The following UTRN variants were observed in gnomAD, a reference collection of about 807,000 sequenced individuals.
UTRN encodes the protein utrophin.
In UTRN, 283 loss-of-function variants were observed where a neutral mutation model predicts 463.9. The observed-to-expected ratio is 0.61, with a 90% CI of 0.55 to 0.67. UTRN has a LOEUF of 0.67. Among genes scored for constraint, UTRN ranks in the 30% least tolerant of loss-of-function variants. The pLI, the probability that UTRN is intolerant of heterozygous loss-of-function variation, is 0.00. For synonymous variants in UTRN, 1,442 were observed against 1,431.5 expected (o/e 1.01, Z -0.17); for missense variants, 3,922 against 4,084.3 (o/e 0.96, Z 1.08).
intron 23 of UTRN, among the ~76,000 whole-genome samples, chr6:144,464,594 G>A (rs190758877): frequency 1.3e-3 from 197 of 151,918 alleles, no homozygotes; most frequent in African/African-American, 4.6e-3. Context: ...TCAGCCTCCC[G>A]GGTTCAAGCA....
rs769684169 is a variant in UTRN at position 144,835,943 on chromosome 6, G to A, written c.9824+5G>A. ...TGACCTGGAGGAAGAACAAAGGTGT[G>A]CTAGGCCTGGGAGAAGGAAATATGT... is the stretch of plus-strand genomic sequence containing the variant. On this transcript the variant is annotated splice_donor_5th_base_variant and intron_variant, in intron 70 of 74. Coordinates refer to ENST00000367545, the MANE Select transcript of UTRN (RefSeq NM_007124.3). 1.2e-6 allele frequency: 2 copies of A among 1,613,544 alleles called. No individual in the cohort carries two copies. Among genetic ancestry groups the A allele is most frequent in the Admixed American group, 1.7e-5 (1 of 59,944 alleles).
chr6:144,470,332 C>T (rs1197685466), intron 23 of UTRN, among the ~76,000 whole-genome samples: 1 of 151,956 alleles, frequency 6.6e-6, no homozygotes, highest in East Asian at 1.9e-4. Flanking sequence ...CGGAGACGCT[C>T]CTCACTTCCC....
chr6:144,688,255 T>C (rs1782951734), intron 52 of UTRN, among the ~76,000 whole-genome samples: 1 of 152,148 alleles, frequency 6.6e-6, no homozygotes, highest in Non-Finnish European at 1.5e-5. Context: ...ATTAGAAAAT[T>C]TTTCATTCAT....
At position 144,444,302 on chromosome 6, in the gene UTRN, G is replaced by T. The variant is rs774964386; in HGVS notation, c.1534G>T (p.Ala512Ser). Residue 512 changes from alanine to serine, a missense_variant, in exon 14 of 75, where the codon GCA becomes TCA. Around this residue, in one of 3 missense-constraint regions of UTRN, gnomAD observed 2,349 missense variants for 2,303.8 expected, o/e 1.02. Coordinates refer to ENST00000367545, the MANE Select transcript of UTRN (RefSeq NM_007124.3). The part of the protein sequence containing the change: ...QLQKLGERWT[A>S]VCRWTEERWN... ...CTAGAAACTTGGTGAGCGCTGGACA[G>T]CAGTATGCCGTTGGACTGAAGAACG... 1.2e-6 allele frequency: 2 copies of T among 1,611,458 alleles called. No homozygotes were observed. The highest frequency in any genetic ancestry group is 4.5e-5 in the East Asian group (2 of 44,650).
intron 53 of UTRN, among the ~76,000 whole-genome samples, chr6:144,721,199 G>A (rs1415163562): frequency 1.3e-5 from 2 of 152,082 alleles, no homozygotes; most frequent in Admixed American, 6.6e-5. Flanking sequence ...CATGATTTCA[G>A]TATTCCCTTT....
intron 51 of UTRN, among the ~76,000 whole-genome samples, chr6:144,670,049 T>G (rs1177198015): frequency 6.6e-6 from 1 of 152,122 alleles, no homozygotes; most frequent in Non-Finnish European, 1.5e-5. Context: ...TTTGTACTGG[T>G]TCCATATTTT....
intron 43 of UTRN, among the ~76,000 whole-genome samples, chr6:144,536,596 A>G (rs1797555843): frequency 6.6e-6 from 1 of 152,064 alleles, no homozygotes; most frequent in Non-Finnish European, 1.5e-5. Context: ...TATTACATGT[A>G]TTGCACGATT....
chr6:144,421,404 T>C (rs1784816568), intron 3 of UTRN, among the ~76,000 whole-genome samples: 1 of 152,076 alleles, frequency 6.6e-6, no homozygotes, highest in African/African-American at 2.4e-5. Context: ...AAAAGACAAA[T>C]TTGGGCCGGG....
chr6:144,418,975 C>A (rs1371265551), intron 3 of UTRN, among the ~76,000 whole-genome samples: 1 of 152,162 alleles, frequency 6.6e-6, no homozygotes, highest in Non-Finnish European at 1.5e-5. Context: ...CCTTTCTATG[C>A]CTATATAACC....
chr6:144,642,997 C>G (rs976101316), intron 51 of UTRN, among the ~76,000 whole-genome samples: 2 of 152,108 alleles, frequency 1.3e-5, no homozygotes, highest in African/African-American at 4.8e-5. Context: ...TTCAGTCTTC[C>G]TTTCATCCTG....
At chr6:144,439,855 G>T (rs1480380557) in intron 12 of UTRN, among the ~76,000 whole-genome samples, 1 of 152,104 alleles carries the variant, frequency 6.6e-6, no homozygotes, top group Non-Finnish European at 1.5e-5. Context: ...CCATGGAAAA[G>T]GCGAGAGAAT....
intron 51 of UTRN, among the ~76,000 whole-genome samples, chr6:144,611,844 A>G (rs1474171429): frequency 2.0e-5 from 3 of 152,222 alleles, no homozygotes; most frequent in Admixed American, 6.5e-5. Flanking sequence ...TTACAGAAAT[A>G]GAAAATAATC....
Position 144,513,898 on chromosome 6 carries a change from T to A in UTRN, c.4945-11T>A, listed in dbSNP as rs764244030. 125 of 1,610,766 alleles carry A rather than the reference T, an allele frequency of 7.8e-5. No individual in the cohort carries two copies. Among genetic ancestry groups the A allele is most frequent in the Non-Finnish European group, 9.7e-5 (114 of 1,179,116 alleles). On this transcript the variant is annotated splice_polypyrimidine_tract_variant and intron_variant, in intron 35 of 74. Coordinates refer to ENST00000367545, the MANE Select transcript of UTRN (RefSeq NM_007124.3). ...TATGGTTATGTAAGCATTTTATTAA[T>A]TCCTTTGTAGAACCATCAGAACCAG...
intron 19 of UTRN, among the ~76,000 whole-genome samples, chr6:144,454,844 G>A (rs943135585): frequency 2.6e-5 from 4 of 152,006 alleles, no homozygotes; most frequent in African/African-American, 9.7e-5. Context: ...TGAAATACAT[G>A]ACTTAGCTGT....
Position 144,487,692 on chromosome 6 carries a change from C to T in UTRN, c.3967C>T (p.His1323Tyr). 1.2e-6 allele frequency: 2 copies of T among 1,611,250 alleles called. No individual in the cohort carries two copies. The highest frequency in any genetic ancestry group is 8.5e-7 in the Non-Finnish European group (1 of 1,178,442). Residue 1323 changes from histidine to tyrosine, a missense_variant, in exon 29 of 75, where the codon CAC (histidine) becomes TAC (tyrosine). Physicochemically the swap from His to Tyr is moderately conservative, Grantham distance 83. This residue lies in a region of UTRN where 2,349 missense variants were observed against 2,303.8 expected (regional missense o/e 1.02). Transcript: ENST00000367545. ...CAACAGCCGATATGAAGATCTAAGT[C>T]ACCTGGTAAGAGTTGGGACATACAT... Reference protein sequence around the residue: ...AFNSRYEDLSHLAESKQISLE... With the variant: ...AFNSRYEDLSYLAESKQISLE...
chr6:144,521,367 T>C (rs552459697), intron 39 of UTRN, among the ~76,000 whole-genome samples: 1 of 152,254 alleles, frequency 6.6e-6, no homozygotes, highest in South Asian at 2.1e-4. Context: ...AGATGAGTAG[T>C]CCATAGAGCC....
chr6:144,808,401 T>A (rs1170423869), intron 65 of UTRN, among the ~76,000 whole-genome samples: 1 of 152,156 alleles, frequency 6.6e-6, no homozygotes, highest in Non-Finnish European at 1.5e-5. Context: ...TTTATGATGA[T>A]TTAATTTCAT....
At chr6:144,729,021 A>C (rs1788232740) in intron 53 of UTRN, among the ~76,000 whole-genome samples, 1 of 152,148 alleles carries the variant, frequency 6.6e-6, no homozygotes, top group African/African-American at 2.4e-5. Flanking sequence ...ACGAGTAGGA[A>C]AATTATCAGT....
chr6:144,469,777 A>C (rs1001292765), intron 23 of UTRN, among the ~76,000 whole-genome samples: 1 of 149,698 alleles, frequency 6.7e-6, no homozygotes, highest in African/African-American at 2.5e-5. Flanking sequence ...TCATAGGACA[A>C]TAGTGGAGGG....
Sources: gnomAD v4.1 joint callset for allele counts (sites outside exome capture counted in the v4.1 genomes callset) on GRCh38, gnomAD v4.1.1 for gene constraint, gnomAD v4.1.1 regional missense constraint, MANE v1.5 for transcripts, NCBI Gene and HGNC (gene_info 2026-07-23, HGNC 2026-07-21) for gene names.